SPIDR: variants seen among roughly 807,000 people sequenced by gnomAD.
The protein encoded by SPIDR is scaffold protein involved in DNA repair.
In SPIDR, 93 loss-of-function variants were observed where a neutral mutation model predicts 104.6. The ratio of observed to expected loss-of-function variants is 0.89; its 90% confidence interval spans 0.75 to 1.06. The LOEUF is 1.06. Ranked by LOEUF, SPIDR falls within the 50% of genes least tolerant of loss-of-function variation. SPIDR has a pLI of 0.00. For missense variants in SPIDR, 1,154 were observed against 1,111.2 expected, an observed-to-expected ratio of 1.04 and a Z score of -0.55; for synonymous variants, 431 against 416.9, an observed-to-expected ratio of 1.03 and a Z score of -0.41.
rs182348241 is a variant in SPIDR at position 47,392,648 on chromosome 8, G to A, written c.526-3728G>A. Among the ~76,000 whole-genome samples the A allele has an allele frequency of 5.4e-4, 83 of 152,322 alleles. 1 individual carries two copies. Among genetic ancestry groups the A allele is most frequent in the African/African-American group, 1.9e-3 (77 of 41,570 alleles). On this transcript the variant is annotated intron_variant, in intron 5 of 19. Transcript: ENST00000297423. ...GCTGCTAAGTCTTACCAGTCTTACT[G>A]ATGTTAAATTCTTCACTGAGGAAAT...
chr8:47,428,469 T>A (rs1554686744), intron 7 of SPIDR, among the ~76,000 whole-genome samples: 2 of 152,222 alleles, frequency 1.3e-5, no homozygotes, highest in East Asian at 3.8e-4. Flanking sequence ...TGATCTAATC[T>A]AAGTCTCCTA....
intron 8 of SPIDR, among the ~76,000 whole-genome samples, chr8:47,490,528 TG>T (rs1215999356): frequency 6.6e-6 from 1 of 152,228 alleles, no homozygotes; most frequent in Non-Finnish European, 1.5e-5. Context: ...ATCATGCTGC[TG>T]TAAAGACACA....
At chr8:47,503,728 A>G (rs1586803610) in intron 8 of SPIDR, among the ~76,000 whole-genome samples, 1 of 152,082 alleles carries the variant, frequency 6.6e-6, no homozygotes, top group Non-Finnish European at 1.5e-5. Flanking sequence ...TCTTCCTACC[A>G]TCTATAGTCT....
At chr8:47,280,163 C>G (rs2037431540) in intron 2 of SPIDR, 146 bp downstream of exon 2, 2 of 622,484 alleles carry the variant, frequency 3.2e-6, no homozygotes, top group South Asian at 1.2e-4. Context: ...GCCTTTCATT[C>G]CTTGAATTCC....
chr8:47,692,216 A>G (rs2078750588), intron 11 of SPIDR, among the ~76,000 whole-genome samples: 1 of 152,144 alleles, frequency 6.6e-6, no homozygotes, highest in African/African-American at 2.4e-5. Flanking sequence ...AAAGTGTACG[A>G]ATCATTGGTT....
chr8:47,293,371 A>T (rs1437249398), intron 4 of SPIDR, among the ~76,000 whole-genome samples: 1 of 152,232 alleles, frequency 6.6e-6, no homozygotes, highest in Non-Finnish European at 1.5e-5. Flanking sequence ...TAATAAAAGT[A>T]GTTAACTTAA....
chr8:47,713,463 A>G (rs755834919), intron 15 of SPIDR, 26 bp from the exon 16 acceptor site: 10 of 1,612,794 alleles, frequency 6.2e-6, no homozygotes, highest in East Asian at 4.5e-5. Flanking sequence ...CAAGGCTTCA[A>G]TAACCTGAAG....
At chr8:47,702,088 C>T (rs2080313134) in intron 14 of SPIDR, 73 bp downstream of exon 14, 1 of 125,924 alleles carries the variant, frequency 7.9e-6, no homozygotes, top group African/African-American at 4.6e-5. Context: ...CTCTCTCTCT[C>T]TCTCTCTCTT....
chr8:47,294,285 C>T, intron 5 of SPIDR: 1 of 396,160 alleles, frequency 2.5e-6, no homozygotes, highest in Non-Finnish European at 4.4e-6. Context: ...TTTTATCCTG[C>T]TATTCTTCCA....
chr8:47,577,146 G>A (rs950067084), intron 8 of SPIDR, among the ~76,000 whole-genome samples: 5 of 152,240 alleles, frequency 3.3e-5, no homozygotes, highest in Non-Finnish European at 5.9e-5. Flanking sequence ...TGGGCCTAGA[G>A]ACTTAAGTTA....
intron 8 of SPIDR, among the ~76,000 whole-genome samples, chr8:47,469,001 A>G (rs1017633925): frequency 2.0e-5 from 3 of 152,228 alleles, no homozygotes; most frequent in Non-Finnish European, 4.4e-5. Context: ...ACAAGGAAAA[A>G]ACAAAAAGCC....
intron 7 of SPIDR, among the ~76,000 whole-genome samples, chr8:47,437,809 A>G (rs571009875): frequency 2.6e-5 from 4 of 152,114 alleles, no homozygotes; most frequent in Non-Finnish European, 5.9e-5. Flanking sequence ...AACTAGTTCA[A>G]CCATTGTGGA....
intron 8 of SPIDR, among the ~76,000 whole-genome samples, chr8:47,489,033 AT>A (rs1242603729): frequency 6.6e-6 from 1 of 152,220 alleles, no homozygotes; most frequent in Non-Finnish European, 1.5e-5. Flanking sequence ...AATAAAGGGT[AT>A]TCAATTAGGA....
chr8:47,475,276 T>G (rs2076150034), intron 8 of SPIDR, among the ~76,000 whole-genome samples: 1 of 152,226 alleles, frequency 6.6e-6, no homozygotes, highest in South Asian at 2.1e-4. Context: ...CTGCCCTCAA[T>G]TCACATTTCT....
chr8:47,453,568 C>T (rs2072323440), intron 8 of SPIDR, among the ~76,000 whole-genome samples: 1 of 152,176 alleles, frequency 6.6e-6, no homozygotes, highest in Admixed American at 6.5e-5. Context: ...TACCACACAT[C>T]TACAACCATC....
intron 8 of SPIDR, among the ~76,000 whole-genome samples, chr8:47,481,676 A>G (rs1303324032): frequency 6.6e-6 from 1 of 152,078 alleles, no homozygotes; most frequent in Non-Finnish European, 1.5e-5. Context: ...AATACAAAGG[A>G]AAAAAAAGAA....
chr8:47,557,339 G>C (rs879493301), intron 8 of SPIDR, among the ~76,000 whole-genome samples: 1 of 152,134 alleles, frequency 6.6e-6, no homozygotes, highest in Admixed American at 6.6e-5. Context: ...AGGAACCTAC[G>C]TCTTGATGCT....
At chr8:47,421,131 T>C (rs1437680365) in intron 7 of SPIDR, among the ~76,000 whole-genome samples, 3 of 152,232 alleles carry the variant, frequency 2.0e-5, no homozygotes, top group African/African-American at 7.2e-5. Context: ...CTGTTCTCTG[T>C]ATTTGCTGAA....
At chr8:47,410,707 G>T (rs902679097) in intron 7 of SPIDR, among the ~76,000 whole-genome samples, 2 of 151,620 alleles carry the variant, frequency 1.3e-5, no homozygotes, top group Non-Finnish European at 2.9e-5. Flanking sequence ...TGTGCACAAC[G>T]TGCAGGTTTC....
Sources: allele counts gnomAD v4.1 joint callset (sites outside exome capture counted in the v4.1 genomes callset), GRCh38; gene constraint gnomAD v4.1.1; transcripts MANE v1.5; gene names NCBI Gene and HGNC (gene_info 2026-07-23, HGNC 2026-07-21).